The following ZNF469 variants were observed in gnomAD, a reference collection of about 807,000 sequenced individuals.
ZNF469 encodes zinc finger protein 469.
Under a neutral mutation model 1.0 loss-of-function variants are expected in ZNF469, and 1 was observed. That is an observed-to-expected ratio of 1.00 (90% CI 0.35 to 4.73). The LOEUF is 4.73. ZNF469 is among the 30% of genes most tolerant of loss of function. The probability of loss-of-function intolerance (pLI) is 0.16; values close to 1 mark genes in which losing one functional copy is unlikely to be tolerated. For missense variants in ZNF469, 6,100 were observed against 5,356.3 expected (o/e 1.14, Z -4.33); for synonymous variants, 2,703 against 2,363.4 (o/e 1.14, Z -4.17).
chr16:88,172,329 C>T, the ZNF469 span, among the ~76,000 whole-genome samples: 1,089 of 152,172 alleles, frequency 7.2e-3, 18 homozygotes, highest in African/African-American at 0.024. Flanking sequence ...GGGTGGGGGA[C>T]GGTTTGTGTT....
chr16:88,201,311 T>A, the ZNF469 span, among the ~76,000 whole-genome samples: 1 of 152,134 alleles, frequency 6.6e-6, no homozygotes, highest in Non-Finnish European at 1.5e-5. This position sits in a 1 kb window ranked among gnomAD's most constrained non-coding sequence, Gnocchi z 5.0. Context: ...CCCAGCACTT[T>A]AAAAAGGTCA....
the ZNF469 span, among the ~76,000 whole-genome samples, chr16:88,239,569 G>A: frequency 6.8e-6 from 1 of 146,772 alleles, no homozygotes; most frequent in South Asian, 2.2e-4. Flanking sequence ...CTCACTGCAA[G>A]CTCCGCCTCC....
At chr16:88,405,049 C>T (rs750318554) in intron 1 of ZNF469, among the ~76,000 whole-genome samples, 9 of 152,122 alleles carry the variant, frequency 5.9e-5, no homozygotes, top group Non-Finnish European at 8.8e-5. Context: ...TCAGCCCTCC[C>T]GGAACCACAT....
chr16:88,289,158 AATG>A, the ZNF469 span, among the ~76,000 whole-genome samples: 96 of 147,384 alleles, frequency 6.5e-4, 1 homozygote, highest in Middle Eastern at 3.8e-3. Flanking sequence ...TGGTGATGGC[AATG>A]ATGATGATGA....
chr16:88,288,990 G>A, the ZNF469 span, among the ~76,000 whole-genome samples: 1 of 152,204 alleles, frequency 6.6e-6, no homozygotes, highest in Non-Finnish European at 1.5e-5. Context: ...CAGTGGTGGT[G>A]ATGATGGTGG....
At chr16:88,143,557 G>C in the ZNF469 span, among the ~76,000 whole-genome samples, 1 of 152,138 alleles carries the variant, frequency 6.6e-6, no homozygotes, top group Middle Eastern at 3.4e-3. Flanking sequence ...GTGGCCCATG[G>C]CCATGCGTCT....
At chr16:88,129,746 G>A in the ZNF469 span, among the ~76,000 whole-genome samples, 561 of 152,314 alleles carry the variant, frequency 3.7e-3, 2 homozygotes, top group African/African-American at 0.012. Context: ...TGCAGTCTCA[G>A]CTACTCAGGA....
the ZNF469 span, among the ~76,000 whole-genome samples, chr16:88,364,404 T>C: frequency 6.6e-6 from 1 of 150,912 alleles, no homozygotes; most frequent in Non-Finnish European, 1.5e-5. Flanking sequence ...CCTTCCAGCA[T>C]GTTCTTCCTT....
chr16:88,326,798 C>T, the ZNF469 span, among the ~76,000 whole-genome samples: 2 of 152,206 alleles, frequency 1.3e-5, no homozygotes, highest in East Asian at 1.9e-4. Context: ...GGGCAGCACT[C>T]GGGCCGGTCC....
the ZNF469 span, among the ~76,000 whole-genome samples, chr16:88,304,628 A>G: frequency 1.3e-4 from 20 of 152,238 alleles, no homozygotes; most frequent in Non-Finnish European, 1.9e-4. Flanking sequence ...GCATGCTTCA[A>G]CCTCAAGTGT....
chr16:88,339,134 G>A, the ZNF469 span, among the ~76,000 whole-genome samples: 5 of 141,750 alleles, frequency 3.5e-5, no homozygotes, highest in Admixed American at 1.4e-4. Flanking sequence ...CCACTGGAGC[G>A]AGAGTGGGAG....
the ZNF469 span, among the ~76,000 whole-genome samples, chr16:88,145,131 C>G: frequency 6.6e-6 from 1 of 151,954 alleles, no homozygotes; most frequent in East Asian, 1.9e-4. Context: ...AGCCACTGCA[C>G]CCGGCCCATT....
chr16:88,164,843 C>G, the ZNF469 span, among the ~76,000 whole-genome samples: 1 of 152,176 alleles, frequency 6.6e-6, no homozygotes, highest in African/African-American at 2.4e-5. Flanking sequence ...GTGCATGAGT[C>G]CATTGGAGGC....
At chr16:88,313,458 C>A in the ZNF469 span, among the ~76,000 whole-genome samples, 7 of 152,140 alleles carry the variant, frequency 4.6e-5, no homozygotes, top group Non-Finnish European at 8.8e-5. Flanking sequence ...TCTTATTTCA[C>A]TATCTGTAAT....
intron 1 of ZNF469, among the ~76,000 whole-genome samples, chr16:88,421,935 C>T (rs1219903367): frequency 6.6e-6 from 1 of 152,134 alleles, no homozygotes; most frequent in Non-Finnish European, 1.5e-5. Context: ...ACACAGCATC[C>T]AACACAAATG....
the ZNF469 span, among the ~76,000 whole-genome samples, chr16:88,223,113 G>T: frequency 1.3e-5 from 2 of 152,206 alleles, no homozygotes; most frequent in African/African-American, 2.4e-5. Flanking sequence ...CCCCTAATAG[G>T]GGAGTGATAT....
the ZNF469 span, among the ~76,000 whole-genome samples, chr16:88,328,248 A>G: frequency 6.6e-6 from 1 of 152,210 alleles, no homozygotes. Flanking sequence ...CGTGTACTGT[A>G]TTCTGCCTTA....
chr16:88,434,517 C>T lies in ZNF469; in HGVS notation c.7047C>T (p.Pro2349=). The change falls in exon 3 of 3, where the codon CCC becomes CCT. Residue 2349 remains proline, a synonymous_variant. Coordinates refer to ENST00000565624, the MANE Select transcript of ZNF469 (RefSeq NM_001367624.2). ...AGGGCCAGGCTGTCACAGCTGTGCC[C>T]ACTGAGCCTCCCACGCTACAGGGTG... ...HREGQAVTAV[P]TEPPTLQGAG... 1 of 1,550,304 alleles carries T rather than the reference C, an allele frequency of 6.5e-7. No individual in the cohort carries two copies. The highest frequency in any genetic ancestry group is 8.7e-7 in the Non-Finnish European group (1 of 1,146,962).
chr16:88,111,877 C>T, the ZNF469 span, among the ~76,000 whole-genome samples: 4 of 152,102 alleles, frequency 2.6e-5, no homozygotes, highest in Admixed American at 6.5e-5. Flanking sequence ...CCTTGTGATC[C>T]GCCTGCCTTG....
Sources: allele counts gnomAD v4.1 joint callset (sites outside exome capture counted in the v4.1 genomes callset), GRCh38; gene constraint gnomAD v4.1.1; non-coding constraint Gnocchi (gnomAD v3.1); transcripts MANE v1.5; gene names NCBI Gene and HGNC (gene_info 2026-07-23, HGNC 2026-07-21).